MYO3A: variants seen among roughly 807,000 people sequenced by gnomAD.
MYO3A encodes myosin IIIA, also known as myosin-IIIa.
In MYO3A, 180 loss-of-function variants were observed where a neutral mutation model predicts 192.7. The ratio of observed to expected loss-of-function variants is 0.93; its 90% CI spans 0.83 to 1.06. The LOEUF is 1.06. MYO3A is among the 50% of genes least tolerant of loss of function. The probability of loss-of-function intolerance (pLI) is 0.00; values close to 1 mark genes in which losing one functional copy is unlikely to be tolerated. For missense variants in MYO3A, 1,896 were observed against 1,905.0 expected (o/e 1.00, Z 0.09); for synonymous variants, 628 against 645.3 (o/e 0.97, Z 0.41).
intron 10 of MYO3A, among the ~76,000 whole-genome samples, chr10:26,028,760 G>A (rs543593873): frequency 6.6e-5 from 10 of 152,252 alleles, no homozygotes; most frequent in African/African-American, 2.4e-4. Context: ...ACTCATTGCC[G>A]AGCTGACAGC....
At position 26,211,876 on chromosome 10, in the gene MYO3A, GGAGA is replaced by G; in HGVS notation, c.4770_4773del (p.Arg1590SerfsTer64). On this transcript the variant is annotated frameshift_variant, in exon 35 of 35. Coordinates refer to ENST00000642920, the MANE Select transcript of MYO3A (RefSeq NM_017433.5). LOFTEE classifies it high-confidence loss of function. ...CGGCGGAGAGCCCCGAGAAGGAGGAGGAGAGAGAGCCAGCAGCCAACCCCTACGA... is the reference window on the plus strand; with the variant it reads ...CGGCGGAGAGCCCCGAGAAGGAGGAGGAGAGCCAGCAGCCAACCCCTACGA... 6.2e-7 allele frequency: 1 copy of G among 1,614,092 alleles called. No homozygotes were observed. Among genetic ancestry groups the G allele is most frequent in the Non-Finnish European group, 8.5e-7 (1 of 1,180,012 alleles).
chr10:26,094,045 G>A (rs1385820289), intron 15 of MYO3A, among the ~76,000 whole-genome samples: 2 of 152,102 alleles, frequency 1.3e-5, no homozygotes, highest in Non-Finnish European at 2.9e-5. Context: ...TACTAACAAG[G>A]AAGACCAGAG....
intron 27 of MYO3A, 146 bp downstream of exon 27, chr10:26,166,324 T>C (rs1841748865): frequency 1.3e-6 from 1 of 742,796 alleles, no homozygotes; most frequent in South Asian, 1.6e-5. Flanking sequence ...TATAAACTCA[T>C]AAAGATTTTC....
In MYO3A at chr10:26,066,979, G is replaced by A; in HGVS notation, c.958G>A (p.Glu320Lys). The change falls in exon 11 of 35, where the codon GAA becomes AAA. Residue 320 changes from glutamate (E) to lysine (K), a missense_variant. By Grantham distance (56) the Glu-to-Lys change is moderately conservative. Transcript: ENST00000642920. ...CMGGTEKARR[E>K]RIHTKKGNFN... ...AGAAAGCGTTTTTCTCCACAGACGT[G>A]AACGTATTCACACGAAGAAAGGGAA... 3.7e-6 allele frequency: 6 copies of A among 1,608,268 alleles called. No individual in the cohort carries two copies. The highest frequency in any genetic ancestry group is 5.1e-6 in the Non-Finnish European group (6 of 1,174,750).
At chr10:26,163,355 A>G (rs554911750) in intron 26 of MYO3A, among the ~76,000 whole-genome samples, 9 of 152,278 alleles carry the variant, frequency 5.9e-5, no homozygotes, top group African/African-American at 2.2e-4. Context: ...ACATGATCAG[A>G]TTTTCATTTA....
At chr10:25,982,165 G>A (rs1839373312) in intron 4 of MYO3A, among the ~76,000 whole-genome samples, 1 of 152,112 alleles carries the variant, frequency 6.6e-6, no homozygotes, top group Non-Finnish European at 1.5e-5. Flanking sequence ...AGCAGAGGCA[G>A]ACATAATCTC....
In MYO3A at chr10:26,203,043, C is replaced by T. The variant is rs781338450; in HGVS notation, c.4666C>T (p.Pro1556Ser). The stretch of plus-strand genomic sequence containing the variant: ...TCGTTCTGGACCAAAGGAACATAGC[C>T]CTAGTTTAAGAGAACGAAGACCACA... The part of the protein sequence containing the change: ...PSRSGPKEHS[P>S]SLRERRPQQE... The change falls in exon 34 of 35, where the codon CCT becomes TCT. Residue 1556 changes from proline to serine, a missense_variant. By Grantham distance (74) the Pro-to-Ser change is moderately conservative. Transcript: ENST00000642920. 4 of 1,613,608 alleles carry T rather than the reference C, an allele frequency of 2.5e-6. No homozygotes were observed. In the South Asian group the frequency reaches 4.4e-5, roughly 18 times the overall value.
Position 26,026,372 on chromosome 10 carries a change from T to G in MYO3A, c.798-5T>G. The G allele has an allele frequency of 6.2e-7, 1 of 1,614,086 alleles. No homozygotes were observed. Among genetic ancestry groups the G allele is most frequent in the Non-Finnish European group, 8.5e-7 (1 of 1,179,968 alleles). On this transcript the variant is annotated splice_region_variant and splice_polypyrimidine_tract_variant and intron_variant, in intron 9 of 34. Coordinates refer to ENST00000642920, the MANE Select transcript of MYO3A (RefSeq NM_017433.5). ...ATAATTGCATGTTCTTTTTTGCCAG[T>G]GCAGGTGCTTGACTAAAGATTATGA...
At chr10:26,009,681 G>A (rs1260073926) in intron 6 of MYO3A, among the ~76,000 whole-genome samples, 1 of 152,216 alleles carries the variant, frequency 6.6e-6, no homozygotes, top group Non-Finnish European at 1.5e-5. Context: ...GAGCTACCAA[G>A]TGTGCTTCTC....
chr10:26,171,517 C>T (rs1346100606), intron 29 of MYO3A, among the ~76,000 whole-genome samples: 2 of 152,184 alleles, frequency 1.3e-5, no homozygotes, highest in African/African-American at 4.8e-5. Context: ...CCCTGAATCC[C>T]TCAGGCCAAC....
intron 14 of MYO3A, among the ~76,000 whole-genome samples, chr10:26,081,419 C>T (rs76312695): frequency 2.0e-4 from 30 of 152,170 alleles, no homozygotes; most frequent in African/African-American, 6.7e-4. Flanking sequence ...ACCATGCCCC[C>T]GCAACAACTC....
chr10:26,193,948 C>G (rs1843277137), intron 32 of MYO3A, among the ~76,000 whole-genome samples: 1 of 152,160 alleles, frequency 6.6e-6, no homozygotes, highest in Non-Finnish European at 1.5e-5. Context: ...GCCTTCTTCT[C>G]ATGTTCCTGT....
chr10:25,959,693 TGTA>T (rs1258298099), intron 4 of MYO3A, among the ~76,000 whole-genome samples: 5 of 151,988 alleles, frequency 3.3e-5, no homozygotes, highest in African/African-American at 1.2e-4. Flanking sequence ...TGGCTCATCA[TGTA>T]GTAATTTGTG....
intron 9 of MYO3A, among the ~76,000 whole-genome samples, chr10:26,025,784 C>A (rs1194276963): frequency 6.6e-6 from 1 of 152,188 alleles, no homozygotes; most frequent in Non-Finnish European, 1.5e-5. Context: ...CATGAATATG[C>A]TCTGGTTGAA....
At chr10:26,088,024 T>G (rs1836449187) in intron 14 of MYO3A, among the ~76,000 whole-genome samples, 179 bp from the exon 15 acceptor site, 1 of 152,158 alleles carries the variant, frequency 6.6e-6, no homozygotes, top group Admixed American at 6.5e-5. Flanking sequence ...AGAAAACAAG[T>G]GAGTGAATCC....
At chr10:26,199,437 C>T (rs1019735880) in intron 32 of MYO3A, among the ~76,000 whole-genome samples, 1 of 150,640 alleles carries the variant, frequency 6.6e-6, no homozygotes, top group Non-Finnish European at 1.5e-5. Context: ...ACTATAGTCC[C>T]AGCTACAAGG....
chr10:26,136,129 A>G (rs1024452057), intron 20 of MYO3A, among the ~76,000 whole-genome samples: 1 of 152,180 alleles, frequency 6.6e-6, no homozygotes, highest in Non-Finnish European at 1.5e-5. Flanking sequence ...CAAAGACAGC[A>G]TCACAAACCC....
In MYO3A at chr10:25,955,006, G is replaced by A; in HGVS notation, c.301G>A (p.Glu101Lys). The A allele has an allele frequency of 6.2e-7, 1 of 1,612,788 alleles. No homozygotes were observed. Residue 101 changes from glutamate (E) to lysine (K), a missense_variant and splice_region_variant, in exon 4 of 35, where the codon GAG (glutamate) becomes AAG (lysine). Transcript: ENST00000642920. ...TGGAGACAAGCTGTGGTTGGTTCTTGAGGTAAGTGTGTCAGCATCATTTGT... is the reference window on the plus strand; with the variant it reads ...TGGAGACAAGCTGTGGTTGGTTCTTAAGGTAAGTGTGTCAGCATCATTTGT... ...VNGDKLWLVL[E>K]LCSGGSVTDL...
chr10:26,150,536 G>T (rs999774038), intron 23 of MYO3A, among the ~76,000 whole-genome samples: 2 of 152,124 alleles, frequency 1.3e-5, no homozygotes, highest in Non-Finnish European at 2.9e-5. Context: ...TCTAATTTTT[G>T]AGTGAGCTTT....
Sources: gnomAD v4.1 joint callset for allele counts (sites outside exome capture counted in the v4.1 genomes callset) on GRCh38, gnomAD v4.1.1 for gene constraint, MANE v1.5 for transcripts, NCBI Gene and HGNC (gene_info 2026-07-23, HGNC 2026-07-21) for gene names.